Variants in NUCB2 observed in about 807,000 individuals in gnomAD.
The protein encoded by NUCB2 is nucleobindin-2.
In NUCB2, 48 loss-of-function variants were observed where a neutral mutation model predicts 57.9. That is an observed-to-expected ratio of 0.83 (90% CI 0.66 to 1.05). The LOEUF (loss-of-function observed/expected upper bound fraction) is 1.05, where lower values mean the gene tolerates loss of function less well. NUCB2 is among the 50% of genes least tolerant of loss of function. The pLI is 0.00. For missense variants in NUCB2, 442 were observed against 476.2 expected, an observed-to-expected ratio of 0.93 and a Z score of 0.67; for synonymous variants, 139 against 152.1, an observed-to-expected ratio of 0.91 and a Z score of 0.64.
chr11:17,344,562 T>C (rs1171889647), intron 2 of NUCB2, among the ~76,000 whole-genome samples: 2 of 152,192 alleles, frequency 1.3e-5, no homozygotes, highest in Middle Eastern at 3.2e-3. Context: ...AGCACCATTT[T>C]CAGTCTTAAA....
intron 11 of NUCB2, among the ~76,000 whole-genome samples, chr11:17,319,533 G>A (rs1230781243): frequency 1.3e-5 from 2 of 151,908 alleles, no homozygotes; most frequent in Non-Finnish European, 2.9e-5. Context: ...ACAGAGCAGG[G>A]GAATTAAAAG....
At chr11:17,345,891 CAG>C (rs944231676) in intron 2 of NUCB2, among the ~76,000 whole-genome samples, 2 of 151,938 alleles carry the variant, frequency 1.3e-5, no homozygotes, top group African/African-American at 2.4e-5. Flanking sequence ...ATCAGAAAAA[CAG>C]AGACTTTATA....
At chr11:17,319,044 T>C (rs1367654042) in intron 11 of NUCB2, among the ~76,000 whole-genome samples, 1 of 152,138 alleles carries the variant, frequency 6.6e-6, no homozygotes, top group East Asian at 1.9e-4. Context: ...ACTTTGAGAA[T>C]ATGTGAATGT....
At chr11:17,282,748 G>A (rs377120469) in intron 1 of NUCB2, 41 bp from the exon 2 acceptor site, 1 of 151,952 alleles carries the variant, frequency 6.6e-6, no homozygotes, top group African/African-American at 2.4e-5. Flanking sequence ...TTGTGATTTT[G>A]TGTCTTTTAT....
intron 11 of NUCB2, 97 bp downstream of exon 11, chr11:17,315,572 T>C: frequency 5.3e-6 from 3 of 569,730 alleles, no homozygotes; most frequent in Non-Finnish European, 9.2e-6. Context: ...TTTGCATGTA[T>C]AGTCTTACTA....
chr11:17,295,270 A>G lies in NUCB2; in HGVS notation c.1-54A>G, dbSNP rs768918620. The G allele has an allele frequency of 6.4e-5, 98 of 1,521,922 alleles. No individual in the cohort carries two copies. In the South Asian group the frequency reaches 1.1e-3, roughly 18 times the overall value. The allele number at this position is 1,521,922 out of a possible 1,614,324, so 94.3% of individuals were successfully genotyped here. A position where few individuals can be genotyped will look rare whatever the true frequency, so the allele number is the denominator to read the frequency against. ...TTAATGTGACATTCGGAATGCATGT[A>G]TATAGAGTTAAAACATTATTCATGA... On this transcript the variant is annotated intron_variant, in intron 2 of 13. Transcript: ENST00000529010.
At chr11:17,285,464 C>T (rs574367709) in intron 2 of NUCB2, among the ~76,000 whole-genome samples, 11 of 151,820 alleles carry the variant, frequency 7.2e-5, no homozygotes, top group Non-Finnish European at 1.2e-4. Context: ...GTAGTCCCAG[C>T]TACTTAGGAG....
downstream of NUCB2, chr11:17,332,608 A>ATC (rs1271516808): frequency 1.3e-5 from 2 of 148,756 alleles, no homozygotes; most frequent in African/African-American, 5.0e-5. Flanking sequence ...AGTCCCCTCC[A>ATC]TCATGTTAGG....
At chr11:17,316,985 T>C (rs1319902194) in intron 11 of NUCB2, among the ~76,000 whole-genome samples, 1 of 152,176 alleles carries the variant, frequency 6.6e-6, no homozygotes, top group Non-Finnish European at 1.5e-5. Flanking sequence ...TTGTATTGGG[T>C]TTTTGTCTAA....
At chr11:17,336,492 C>T (rs1245260087), downstream of NUCB2, among the ~76,000 whole-genome samples, 1 of 151,754 alleles carries the variant, frequency 6.6e-6, no homozygotes, top group Non-Finnish European at 1.5e-5. Context: ...TTAAAAAATA[C>T]GCCTGTAATC....
chr11:17,316,708 TGAAAA>T (rs1392906912), intron 11 of NUCB2, among the ~76,000 whole-genome samples: 4 of 152,160 alleles, frequency 2.6e-5, no homozygotes, highest in Non-Finnish European at 5.9e-5. Context: ...ATAGACAACT[TGAAAA>T]GAATAGTTGA....
intron 2 of NUCB2, among the ~76,000 whole-genome samples, chr11:17,286,967 ATTAGAGTCAGTGT>A (rs910670998): frequency 9.9e-5 from 15 of 152,148 alleles, no homozygotes; most frequent in Admixed American, 9.8e-4. Context: ...CTTATTAAGA[ATTAGAGTCAGTGT>A]TTAAATTAAT....
chr11:17,278,811 A>G (rs1294991571), intron 1 of NUCB2, among the ~76,000 whole-genome samples: 1 of 152,170 alleles, frequency 6.6e-6, no homozygotes, highest in Non-Finnish European at 1.5e-5. Flanking sequence ...CTTTCTAAGG[A>G]CCCTTTTGAA....
At chr11:17,292,819 G>A (rs895539569) in intron 2 of NUCB2, among the ~76,000 whole-genome samples, 6 of 152,158 alleles carry the variant, frequency 3.9e-5, no homozygotes, top group African/African-American at 1.2e-4. Context: ...CATACTGCTT[G>A]GTACATAGTA....
intron 2 of NUCB2, among the ~76,000 whole-genome samples, chr11:17,284,325 G>C (rs1268342572): frequency 6.6e-6 from 1 of 151,982 alleles, no homozygotes. Flanking sequence ...GCCCCTTCCA[G>C]ACTTTTCTTT....
At chr11:17,293,911 T>C (rs1945365422) in intron 2 of NUCB2, among the ~76,000 whole-genome samples, 1 of 152,178 alleles carries the variant, frequency 6.6e-6, no homozygotes. Context: ...AGTGAGTGAC[T>C]GATAATGGGT....
chr11:17,312,542 A>G (rs1010631851), intron 10 of NUCB2, among the ~76,000 whole-genome samples: 1 of 151,730 alleles, frequency 6.6e-6, no homozygotes, highest in Non-Finnish European at 1.5e-5. Flanking sequence ...AGCAGGGATT[A>G]TAGGCACCCA....
At chr11:17,287,026 T>A (rs1233828950) in intron 2 of NUCB2, among the ~76,000 whole-genome samples, 1 of 152,116 alleles carries the variant, frequency 6.6e-6, no homozygotes, top group Non-Finnish European at 1.5e-5. Flanking sequence ...ACTAACAGAT[T>A]AGAAACTAGT....
chr11:17,296,357 A>G, intron 4 of NUCB2, 146 bp downstream of exon 4: 1 of 427,692 alleles, frequency 2.3e-6, no homozygotes, highest in Non-Finnish European at 4.1e-6. Context: ...AGTTGGGACT[A>G]CAGGTGCGTG....
Sources: allele counts gnomAD v4.1 joint callset (sites outside exome capture counted in the v4.1 genomes callset), GRCh38; gene constraint gnomAD v4.1.1; transcripts MANE v1.5; gene names NCBI Gene and HGNC (gene_info 2026-07-23, HGNC 2026-07-21).